Variants in SLC14A2 observed in about 807,000 individuals in gnomAD.
The protein encoded by SLC14A2 is urea transporter 2.
SLC14A2 carries 91 observed loss-of-function variants against 104.6 expected under a neutral mutation model. The ratio of observed to expected loss-of-function variants is 0.87; its 90% CI spans 0.73 to 1.04. The LOEUF (loss-of-function observed/expected upper bound fraction) is 1.04. Ranked by LOEUF, SLC14A2 falls within the 50% of genes least tolerant of loss-of-function variation. SLC14A2 has a pLI of 0.00. For synonymous variants in SLC14A2, 476 were observed against 466.4 expected (o/e 1.02, Z -0.27); for missense variants, 1,189 against 1,156.0 (o/e 1.03, Z -0.41).
intron 1 of SLC14A2, among the ~76,000 whole-genome samples, chr18:45,324,451 G>A (rs1422093381): frequency 6.6e-6 from 1 of 152,088 alleles, no homozygotes; most frequent in Non-Finnish European, 1.5e-5. Flanking sequence ...AAAACAAGAA[G>A]TCAGGAAAGT....
chr18:45,459,540 G>A (rs145330690), intron 1 of SLC14A2, among the ~76,000 whole-genome samples: 6 of 152,308 alleles, frequency 3.9e-5, no homozygotes, highest in African/African-American at 1.4e-4. Context: ...CCTTGTCTGG[G>A]CCTTAGTTCT....
chr18:45,204,403 G>A, the SLC14A2 span, among the ~76,000 whole-genome samples: 2 of 152,308 alleles, frequency 1.3e-5, no homozygotes, highest in East Asian at 3.9e-4. Flanking sequence ...TGTAGAGCTG[G>A]CTTGTGCGAT....
chr18:45,668,074 A>T (rs1230869928), intron 14 of SLC14A2, 52 bp downstream of exon 14: 1 of 1,523,184 alleles, frequency 6.6e-7, no homozygotes, highest in South Asian at 1.1e-5. Context: ...GTCACTCCCC[A>T]TGGGGACCAT....
intron 2 of SLC14A2, among the ~76,000 whole-genome samples, chr18:45,593,486 C>CTTTTTTTTTTTTTT (rs1172271684): frequency 1.1e-5 from 1 of 88,788 alleles, no homozygotes; most frequent in African/African-American, 4.7e-5. Flanking sequence ...TTTCCTTAAT[C>CTTTTTTTTTTTTTT]TTTTTTTTTT....
intron 1 of SLC14A2, among the ~76,000 whole-genome samples, chr18:45,333,109 T>C (rs1435981502): frequency 6.6e-6 from 1 of 152,156 alleles, no homozygotes; most frequent in African/African-American, 2.4e-5. Flanking sequence ...ATAGAGTGTT[T>C]AGGGTGGTTT....
intron 2 of SLC14A2, among the ~76,000 whole-genome samples, chr18:45,566,267 G>T (rs2044265043): frequency 6.6e-6 from 1 of 152,122 alleles, no homozygotes. Flanking sequence ...TTAGGAGTTT[G>T]CCCAAGTCAC....
intron 4 of SLC14A2, among the ~76,000 whole-genome samples, chr18:45,628,368 C>A (rs1046993173): frequency 6.6e-6 from 1 of 151,204 alleles, no homozygotes; most frequent in South Asian, 2.1e-4. Flanking sequence ...TGCTTGAACC[C>A]GGGAGGCGGA....
At chr18:45,517,770 C>T (rs1248251256) in intron 2 of SLC14A2, among the ~76,000 whole-genome samples, 1 of 152,180 alleles carries the variant, frequency 6.6e-6, no homozygotes, top group Non-Finnish European at 1.5e-5. Context: ...ACCTTTGGGA[C>T]TTCAGGGCAT....
At chr18:45,623,581 G>A (rs115448787) in intron 1 of SLC14A2, among the ~76,000 whole-genome samples, 288 of 152,328 alleles carry the variant, frequency 1.9e-3, no homozygotes, top group African/African-American at 6.6e-3. Flanking sequence ...TCATTAGGAG[G>A]AGGAGAGGTA....
rs1362294155 is a variant in SLC14A2 at position 45,675,706 on chromosome 18, TATA to T, written c.2512+1890_2512+1892del. Among the ~76,000 whole-genome samples the T allele has an allele frequency of 5.1e-3, 336 of 65,944 alleles. 2 individuals carry two copies. The highest frequency in any genetic ancestry group is 0.018 in the African/African-American group (324 of 18,194). 43.3% of individuals were successfully genotyped at this position (65,944 alleles called of 152,430 possible). A position where few individuals can be genotyped will look rare whatever the true frequency, so the allele number is the denominator to read the frequency against. On this transcript the variant is annotated intron_variant, in intron 18 of 19. Transcript: ENST00000255226. The stretch of plus-strand genomic sequence containing the variant: ...ATTTCTATATATATATATATATATA[TATA>T]TTTTTTTTTTTTTTTTTTTTGGAGA...
At chr18:45,212,051 T>G (rs1400377775), upstream of SLC14A2, among the ~76,000 whole-genome samples, 1 of 152,262 alleles carries the variant, frequency 6.6e-6, no homozygotes, top group Non-Finnish European at 1.5e-5. Flanking sequence ...GAATCATATA[T>G]TGGAATTAAT....
At chr18:45,431,397 C>T (rs959158677) in intron 1 of SLC14A2, among the ~76,000 whole-genome samples, 2 of 152,168 alleles carry the variant, frequency 1.3e-5, no homozygotes, top group African/African-American at 4.8e-5. Context: ...CTCTATGCCT[C>T]AGTTTCTTTC....
At chr18:45,533,595 C>G (rs1182577386) in intron 2 of SLC14A2, among the ~76,000 whole-genome samples, 6 of 152,094 alleles carry the variant, frequency 3.9e-5, no homozygotes, top group Non-Finnish European at 8.8e-5. Context: ...CTCTTTTCTT[C>G]TTTATTAGTC....
intron 1 of SLC14A2, among the ~76,000 whole-genome samples, chr18:45,475,320 TG>T (rs1555693696): frequency 6.6e-6 from 1 of 152,010 alleles, no homozygotes; most frequent in Non-Finnish European, 1.5e-5. Flanking sequence ...ATAAGTGCGA[TG>T]TGGTGTTGAG....
chr18:45,496,993 A>G (rs1431556236), intron 2 of SLC14A2, among the ~76,000 whole-genome samples: 1 of 152,054 alleles, frequency 6.6e-6, no homozygotes, highest in Non-Finnish European at 1.5e-5. Context: ...GTTTCCCTGG[A>G]TTGAGGCTTT....
chr18:45,244,568 A>G (rs1157005797), intron 1 of SLC14A2, among the ~76,000 whole-genome samples: 1 of 151,650 alleles, frequency 6.6e-6, no homozygotes, highest in Non-Finnish European at 1.5e-5. Context: ...AGAGGTTGCA[A>G]TGAGCTGAGA....
chr18:45,562,936 G>C (rs955840169), intron 2 of SLC14A2, among the ~76,000 whole-genome samples: 1 of 152,194 alleles, frequency 6.6e-6, no homozygotes, highest in Non-Finnish European at 1.5e-5. Flanking sequence ...AGGTTTAATT[G>C]AGTCGCCACT....
chr18:45,383,069 G>A (rs534165161), intron 1 of SLC14A2, among the ~76,000 whole-genome samples: 7 of 152,300 alleles, frequency 4.6e-5, no homozygotes, highest in African/African-American at 1.7e-4. Context: ...CATTTGTGCT[G>A]CACATTTGCC....
intron 1 of SLC14A2, among the ~76,000 whole-genome samples, chr18:45,274,263 T>C (rs1194521395): frequency 6.6e-6 from 1 of 152,210 alleles, no homozygotes; most frequent in East Asian, 1.9e-4. Context: ...AGATGTGTGT[T>C]GTTCTTGTTA....
Sources: gnomAD v4.1 joint callset for allele counts (sites outside exome capture counted in the v4.1 genomes callset) on GRCh38, gnomAD v4.1.1 for gene constraint, MANE v1.5 for transcripts, NCBI Gene and HGNC (gene_info 2026-07-23, HGNC 2026-07-21) for gene names.